Variants in TXNRD1 observed in about 807,000 individuals in gnomAD.
The protein encoded by TXNRD1 is thioredoxin reductase 1, cytoplasmic.
Under a neutral mutation model 80.3 loss-of-function variants are expected in TXNRD1, and 57 were observed. The observed-to-expected ratio is 0.71, with a 90% confidence interval of 0.57 to 0.89. TXNRD1 has a LOEUF of 0.89. Among genes scored for constraint, TXNRD1 ranks in the 40% least tolerant of loss-of-function variants. The pLI is 0.00. For missense variants in TXNRD1, 730 were observed against 803.0 expected (o/e 0.91, Z 1.10); for synonymous variants, 291 against 285.2 (o/e 1.02, Z -0.20).
In TXNRD1 at chr12:104,348,617, C is replaced by T; in HGVS notation, c.*196C>T. 1 of 565,508 alleles carries T rather than the reference C, an allele frequency of 1.8e-6. No homozygotes were observed. The highest frequency in any genetic ancestry group is 2.2e-5 in the South Asian group (1 of 44,974). 35.0% of individuals were successfully genotyped at this position (565,508 alleles called of 1,614,324 possible). ...GGCAGGCAGCATCACACTGGGGTCA[C>T]TGACAGACTTGAAGCTGACATTTGG... On this transcript the variant is annotated 3_prime_UTR_variant, in exon 17 of 17. Transcript: ENST00000525566.
chr12:104,237,786 A>C (rs1304210309), intron 1 of TXNRD1, among the ~76,000 whole-genome samples: 1 of 152,158 alleles, frequency 6.6e-6, no homozygotes, highest in Non-Finnish European at 1.5e-5. Flanking sequence ...AGGCTGAGGC[A>C]GGCGGATCAT....
intron 1 of TXNRD1, among the ~76,000 whole-genome samples, chr12:104,220,074 G>A (rs1443693332): frequency 2.0e-5 from 3 of 152,160 alleles, no homozygotes; most frequent in Admixed American, 6.6e-5. Flanking sequence ...TTAGGCCAGC[G>A]TCAAATCACC....
chr12:104,347,598 T>C (rs2135905147), intron 16 of TXNRD1, among the ~76,000 whole-genome samples: 1 of 152,314 alleles, frequency 6.6e-6, no homozygotes, highest in South Asian at 2.1e-4. Flanking sequence ...TCCAGCTCTG[T>C]GTGCAAGGAG....
intron 4 of TXNRD1, among the ~76,000 whole-genome samples, chr12:104,301,565 C>T (rs1225299118): frequency 6.6e-6 from 1 of 152,086 alleles, no homozygotes; most frequent in African/African-American, 2.4e-5. Context: ...TCTTGATCTC[C>T]TGACCTCGTG....
intron 10 of TXNRD1, among the ~76,000 whole-genome samples, chr12:104,323,943 C>G (rs746900967): frequency 6.6e-6 from 1 of 152,172 alleles, no homozygotes; most frequent in Non-Finnish European, 1.5e-5. Context: ...ATTCCCACAG[C>G]TGGGTATTAA....
At chr12:104,311,826 C>T (rs1158708926) in intron 5 of TXNRD1, among the ~76,000 whole-genome samples, 1 of 151,874 alleles carries the variant, frequency 6.6e-6, no homozygotes, top group Non-Finnish European at 1.5e-5. Context: ...ACTAAAAATA[C>T]AAAAATTAGC....
rs371884469 is a variant in TXNRD1 at position 104,326,460 on chromosome 12, A to ATTTTT, written c.1385+55_1385+59dup. ...ATCTTTATTATGTCATATTTGTGGG[A>ATTTTT]TTTTTTTTTTTTTTTTTTTTTTGAG... is the stretch of plus-strand genomic sequence containing the variant. On this transcript the variant is annotated intron_variant, in intron 12 of 16. Transcript: ENST00000525566. 520 of 539,788 alleles carry ATTTTT rather than the reference A, an allele frequency of 9.6e-4. 13 individuals are homozygous for ATTTTT. The highest frequency in any genetic ancestry group is 1.4e-3 in the East Asian group (24 of 17,762). 33.4% of individuals were successfully genotyped at this position (539,788 alleles called of 1,614,324 possible).
At chr12:104,328,612 C>T (rs1441016735) in intron 13 of TXNRD1, among the ~76,000 whole-genome samples, 2 of 151,732 alleles carry the variant, frequency 1.3e-5, no homozygotes, top group East Asian at 1.9e-4. Context: ...AAAAATTAGC[C>T]GGCCGTGGTG....
At chr12:104,221,851 A>G (rs1291516265) in intron 1 of TXNRD1, among the ~76,000 whole-genome samples, 1 of 152,184 alleles carries the variant, frequency 6.6e-6, no homozygotes, top group Non-Finnish European at 1.5e-5. Flanking sequence ...AGAGGCCACA[A>G]TTAATGGGTT....
intron 1 of TXNRD1, among the ~76,000 whole-genome samples, chr12:104,242,175 G>A (rs2032885563): frequency 6.6e-6 from 1 of 151,374 alleles, no homozygotes; most frequent in Admixed American, 6.6e-5. Flanking sequence ...CTGACCTCAG[G>A]TGATCCACCC....
chr12:104,261,429 C>G lies in TXNRD1; in HGVS notation c.304+3350C>G, dbSNP rs937066314. Among the ~76,000 whole-genome samples, 4 of 152,168 alleles carry G rather than the reference C, an allele frequency of 2.6e-5. No individual in the cohort carries two copies. The East Asian group carries it at 7.7e-4, about 29-fold the overall frequency. ...CCATCCACCTCGGCCTCCCAAAGTT[C>G]TGGGATTACAGGCGTGAGCCACCAT... On this transcript the variant is annotated intron_variant, in intron 3 of 16. Transcript: ENST00000525566.
At chr12:104,292,901 G>A (rs1263989439) in intron 4 of TXNRD1, among the ~76,000 whole-genome samples, 1 of 152,148 alleles carries the variant, frequency 6.6e-6, no homozygotes, top group East Asian at 1.9e-4. Context: ...AACCCAATGG[G>A]GGAGGAACAC....
intron 7 of TXNRD1, among the ~76,000 whole-genome samples, chr12:104,318,085 G>T (rs2035393409): frequency 6.6e-6 from 1 of 152,210 alleles, no homozygotes; most frequent in South Asian, 2.1e-4. Context: ...GGGTACGGAG[G>T]TTGCAGTGAG....
chr12:104,259,162 T>C (rs995352150), intron 3 of TXNRD1, among the ~76,000 whole-genome samples: 6 of 152,030 alleles, frequency 3.9e-5, no homozygotes, highest in Non-Finnish European at 8.8e-5. Context: ...CTGGATTCCC[T>C]GAGGTAAAGA....
intron 4 of TXNRD1, among the ~76,000 whole-genome samples, chr12:104,296,230 C>T (rs968513611): frequency 1.3e-5 from 2 of 152,146 alleles, no homozygotes; most frequent in African/African-American, 4.8e-5. Flanking sequence ...GCTCATGATT[C>T]GAGGTCAGGC....
chr12:104,277,955 C>CA (rs2033790827), intron 3 of TXNRD1, among the ~76,000 whole-genome samples: 1 of 150,440 alleles, frequency 6.6e-6, no homozygotes, highest in Non-Finnish European at 1.5e-5. Context: ...TGGTTCACTG[C>CA]AACCTCCGCC....
At chr12:104,313,398 A>G in intron 6 of TXNRD1, 81 bp downstream of exon 6, 1 of 1,059,414 alleles carries the variant, frequency 9.4e-7, no homozygotes, top group East Asian at 2.7e-5. Flanking sequence ...CCTAAAGCCT[A>G]ATTAAAAAAA....
chr12:104,345,320 G>A (rs541598324), intron 16 of TXNRD1, among the ~76,000 whole-genome samples: 16 of 152,308 alleles, frequency 1.1e-4, no homozygotes, highest in African/African-American at 2.9e-4. Flanking sequence ...AATAGCTGCA[G>A]CTCCAGAGCC....
intron 1 of TXNRD1, among the ~76,000 whole-genome samples, chr12:104,235,343 TG>T (rs2032715233): frequency 6.6e-6 from 1 of 152,124 alleles, no homozygotes; most frequent in South Asian, 2.1e-4. Flanking sequence ...TGTTACAGAT[TG>T]GGAACGGATG....
Sources: allele counts gnomAD v4.1 joint callset (sites outside exome capture counted in the v4.1 genomes callset), GRCh38; gene constraint gnomAD v4.1.1; transcripts MANE v1.5; gene names NCBI Gene and HGNC (gene_info 2026-07-23, HGNC 2026-07-21).